MAP2K6: variants seen among roughly 807,000 people sequenced by gnomAD.
MAP2K6 encodes the protein mitogen-activated protein kinase kinase 6, also known as dual specificity mitogen-activated protein kinase kinase 6.
Under a neutral mutation model 53.7 loss-of-function variants are expected in MAP2K6, and 16 were observed. That is an observed-to-expected ratio of 0.30 (90% confidence interval 0.20 to 0.45). MAP2K6 has a LOEUF of 0.45. Ranked by LOEUF, MAP2K6 falls within the 20% of genes least tolerant of loss-of-function variation. MAP2K6 has a pLI of 1.00. For missense variants in MAP2K6, 204 were observed against 411.9 expected (o/e 0.50, Z 4.37); for synonymous variants, 132 against 143.1 (o/e 0.92, Z 0.55).
chr17:69,449,892 C>T (rs1907151699), intron 1 of MAP2K6, among the ~76,000 whole-genome samples: 1 of 151,454 alleles, frequency 6.6e-6, no homozygotes. Context: ...GGATTACAGG[C>T]GTGAGCCACC....
chr17:69,419,392 G>C (rs944555206), intron 1 of MAP2K6, among the ~76,000 whole-genome samples: 2 of 152,022 alleles, frequency 1.3e-5, no homozygotes, highest in Non-Finnish European at 2.9e-5. Context: ...ATATTTAGAC[G>C]TGCCCATTCT....
intron 2 of MAP2K6, among the ~76,000 whole-genome samples, chr17:69,511,843 G>A (rs1343492171): frequency 6.6e-6 from 1 of 152,198 alleles, no homozygotes; most frequent in South Asian, 2.1e-4. Flanking sequence ...GCTGGGCGTG[G>A]TGGCGGGCAC....
chr17:69,490,520 AG>A (rs1908699726), intron 1 of MAP2K6, among the ~76,000 whole-genome samples: 1 of 152,092 alleles, frequency 6.6e-6, no homozygotes, highest in African/African-American at 2.4e-5. Context: ...GCATGGGAAA[AG>A]CAAGAAATAC....
At chr17:69,434,546 C>A (rs150496925) in intron 1 of MAP2K6, 44 of 152,296 alleles carry the variant, frequency 2.9e-4, no homozygotes, top group African/African-American at 9.9e-4. Context: ...CAGTCTTAAT[C>A]TCTGAAACAG....
At chr17:69,512,627 G>A (rs1909915781) in intron 2 of MAP2K6, among the ~76,000 whole-genome samples, 1 of 152,070 alleles carries the variant, frequency 6.6e-6, no homozygotes, top group Admixed American at 6.6e-5. Flanking sequence ...GTGAGCCACT[G>A]CGCCCGGCCT....
rs1446142524 is a variant in MAP2K6, at chr17:69,545,140, G to A, written c.*3387G>A. 1.3e-5 allele frequency: 2 copies of A among 152,086 alleles called. No individual in the cohort carries two copies. Among genetic ancestry groups the A allele is most frequent in the Middle Eastern group, 3.2e-3 (1 of 314 alleles). 9.4% of individuals were successfully genotyped at this position (152,086 alleles called of 1,614,324 possible). A position where few individuals can be genotyped will look rare whatever the true frequency, so the allele number is the denominator to read the frequency against. ...GGCTCTGAAGATAATTTCAAATGAA[G>A]ATTTCCACACCCCGCCCCCACCACC... On this transcript the variant is annotated 3_prime_UTR_variant, in exon 12 of 12. Transcript: ENST00000590474.
At chr17:69,456,470 T>C (rs76816526) in intron 1 of MAP2K6, among the ~76,000 whole-genome samples, 3,061 of 152,308 alleles carry the variant, frequency 0.02, 37 homozygotes, top group Non-Finnish European at 0.031. Flanking sequence ...CCCTTCTCCA[T>C]TGTAATTATC....
chr17:69,469,823 CAA>C (rs1487168210), intron 1 of MAP2K6, among the ~76,000 whole-genome samples: 1 of 152,150 alleles, frequency 6.6e-6, no homozygotes, highest in East Asian at 1.9e-4. Flanking sequence ...ATGACCTTGA[CAA>C]GAGCTTTTTT....
At chr17:69,450,048 C>T (rs1475484130) in intron 1 of MAP2K6, among the ~76,000 whole-genome samples, 3 of 151,852 alleles carry the variant, frequency 2.0e-5, no homozygotes, top group African/African-American at 7.3e-5. Context: ...GATTCTCCTG[C>T]ATCAGCCTTC....
At chr17:69,482,811 T>C (rs1438278613) in intron 1 of MAP2K6, among the ~76,000 whole-genome samples, 2 of 152,068 alleles carry the variant, frequency 1.3e-5, no homozygotes, top group Non-Finnish European at 2.9e-5. Flanking sequence ...AGTGGTAGAA[T>C]TGCTGGGACA....
At chr17:69,503,201 C>T (rs895344915) in intron 1 of MAP2K6, among the ~76,000 whole-genome samples, 3 of 152,180 alleles carry the variant, frequency 2.0e-5, no homozygotes, top group African/African-American at 7.2e-5. Context: ...ATGTAGTTAT[C>T]TGTATAGTTA....
At chr17:69,438,639 T>C (rs771255197) in intron 1 of MAP2K6, among the ~76,000 whole-genome samples, 1 of 152,216 alleles carries the variant, frequency 6.6e-6, no homozygotes, top group Non-Finnish European at 1.5e-5. Flanking sequence ...CAGGCTGTAA[T>C]GCAGTGGCAC....
chr17:69,539,150 G>C (rs1911493875), intron 11 of MAP2K6, among the ~76,000 whole-genome samples: 1 of 152,172 alleles, frequency 6.6e-6, no homozygotes, highest in Admixed American at 6.5e-5. Flanking sequence ...GTTAAACAAA[G>C]ATGCCTGACC....
intron 1 of MAP2K6, among the ~76,000 whole-genome samples, chr17:69,496,488 C>G (rs994001337): frequency 6.6e-6 from 1 of 151,932 alleles, no homozygotes; most frequent in Admixed American, 6.6e-5. Flanking sequence ...CCCGCCTCAG[C>G]CTCCGGAGTA....
rs577094414 is a variant in MAP2K6 at position 69,511,886 on chromosome 17, G to A, written c.84-4969G>A. ...CCCAGCTTCTTGGGAGGCTGAGACAGGAGAAGCGCTTGAACCCAGGAGGGA... is the reference window on the plus strand; with the variant it reads ...CCCAGCTTCTTGGGAGGCTGAGACAAGAGAAGCGCTTGAACCCAGGAGGGA... On this transcript the variant is annotated intron_variant, in intron 2 of 11. Transcript: ENST00000590474. Among the ~76,000 whole-genome samples the A allele has an allele frequency of 1.4e-3, 206 of 152,330 alleles. 2 individuals carry two copies. The highest frequency in any genetic ancestry group is 4.8e-3 in the African/African-American group (200 of 41,572).
chr17:69,525,853 T>A (rs770762327), intron 9 of MAP2K6, among the ~76,000 whole-genome samples: 3 of 152,220 alleles, frequency 2.0e-5, no homozygotes, highest in Admixed American at 6.5e-5. Flanking sequence ...CAATACATGA[T>A]AACCAATAGG....
intron 1 of MAP2K6, among the ~76,000 whole-genome samples, chr17:69,476,743 G>A (rs1219754710): frequency 6.6e-6 from 1 of 152,178 alleles, no homozygotes; most frequent in Non-Finnish European, 1.5e-5. Flanking sequence ...GTTATGATCA[G>A]CCTTTCCCCA....
At chr17:69,428,647 C>T (rs817554) in intron 1 of MAP2K6, among the ~76,000 whole-genome samples, 87,611 of 151,864 alleles carry the variant, frequency 0.58, 26,261 homozygotes, top group African/African-American at 0.74. Context: ...GTGAAATGCA[C>T]GTAAGTTCTG....
intron 10 of MAP2K6, among the ~76,000 whole-genome samples, chr17:69,530,629 A>G (rs1911033267): frequency 1.3e-5 from 2 of 152,312 alleles, no homozygotes; most frequent in Middle Eastern, 3.4e-3. Flanking sequence ...TCCCAGGTCA[A>G]TAACTTTTTT....
Sources: allele counts gnomAD v4.1 joint callset (sites outside exome capture counted in the v4.1 genomes callset), GRCh38; gene constraint gnomAD v4.1.1; transcripts MANE v1.5; gene names NCBI Gene and HGNC (gene_info 2026-07-23, HGNC 2026-07-21).